The following EPHA8 variants were observed in gnomAD, a reference collection of about 807,000 sequenced individuals.
EPHA8 encodes ephrin type-A receptor 8.
Under a neutral mutation model 103.6 loss-of-function variants are expected in EPHA8, and 58 were observed. That is an observed-to-expected ratio of 0.56 (90% CI 0.45 to 0.70). The LOEUF (loss-of-function observed/expected upper bound fraction) is 0.70, where lower values mean the gene tolerates loss of function less well. Ranked by LOEUF, EPHA8 falls within the 30% of genes least tolerant of loss-of-function variation. The pLI is 0.00. For synonymous variants in EPHA8, 559 were observed against 572.5 expected, an observed-to-expected ratio of 0.98 and a Z score of 0.34; for missense variants, 1,304 against 1,395.2, an observed-to-expected ratio of 0.93 and a Z score of 1.04.
intron 3 of EPHA8, among the ~76,000 whole-genome samples, chr1:22,578,973 G>A (rs1640930149): frequency 6.8e-6 from 1 of 146,722 alleles, no homozygotes; most frequent in African/African-American, 2.5e-5. Context: ...GTATGTTCAT[G>A]TGTGTGAGTG....
Position 22,601,311 on chromosome 1 carries a change from C to T in EPHA8, c.2741C>T (p.Pro914Leu). The change falls in exon 16 of 17, where the codon CCT becomes CTT. Residue 914 changes from proline (P) to leucine (L), a missense_variant. Physicochemically the swap from Pro to Leu is moderately conservative, Grantham distance 98 (BLOSUM62 -3). Transcript: ENST00000166244. ...CCCCTGTGCCTCAGGTGCCCACCCC[C>T]TGCCTTCGTCCGGAGCTGCTTTGAC... ...ATATVSRCPP[P>L]AFVRSCFDLR... 1.2e-6 allele frequency: 2 copies of T among 1,600,408 alleles called. No homozygotes were observed. Among genetic ancestry groups the T allele is most frequent in the Non-Finnish European group, 1.7e-6 (2 of 1,175,968 alleles).
chr1:22,580,638 A>C (rs776686725), intron 3 of EPHA8, among the ~76,000 whole-genome samples: 5 of 152,210 alleles, frequency 3.3e-5, no homozygotes, highest in African/African-American at 1.2e-4. Context: ...CCTGTGTGTC[A>C]GCTTTGCACT....
intron 5 of EPHA8, among the ~76,000 whole-genome samples, chr1:22,590,973 C>T (rs1162883416): frequency 6.6e-6 from 1 of 151,840 alleles, no homozygotes; most frequent in Non-Finnish European, 1.5e-5. Flanking sequence ...CCCCAGGGAC[C>T]TCCCTTCAAA....
chr1:22,582,057 C>T (rs58500778), intron 3 of EPHA8, among the ~76,000 whole-genome samples: 9,466 of 152,222 alleles, frequency 0.062, 965 homozygotes, highest in African/African-American at 0.21. Flanking sequence ...TGGTGGATGG[C>T]CTGGGGCAAA....
At chr1:22,593,747 G>C (rs1292338901) in intron 7 of EPHA8, 61 bp downstream of exon 7, 7 of 1,465,212 alleles carry the variant, frequency 4.8e-6, no homozygotes, top group Non-Finnish European at 6.3e-6. Flanking sequence ...CTGGGGTCGG[G>C]GGGTGGCCGA....
intron 8 of EPHA8, 106 bp from the exon 9 acceptor site, chr1:22,596,000 A>G (rs563266076): frequency 2.0e-6 from 2 of 999,990 alleles, no homozygotes; most frequent in Non-Finnish European, 3.1e-6. Context: ...CTGACCTGTC[A>G]GGGGAAGGGG....
chr1:22,603,371 G>T lies in EPHA8; in HGVS notation c.*1630G>T, dbSNP rs965304603. ...CGGAAACATGGTCAGAACACGATCTGGGGGGGGGATCCTGTCTTCCTCCCC... is the reference window on the plus strand; with the variant it reads ...CGGAAACATGGTCAGAACACGATCTTGGGGGGGGATCCTGTCTTCCTCCCC... On this transcript the variant is annotated 3_prime_UTR_variant, in exon 17 of 17. Transcript: ENST00000166244. 2.4e-5 allele frequency: 3 copies of T among 123,608 alleles called. No individual in the cohort carries two copies. Among genetic ancestry groups the T allele is most frequent in the Non-Finnish European group, 5.6e-5 (3 of 53,868 alleles). 7.7% of individuals were successfully genotyped at this position (123,608 alleles called of 1,614,324 possible). A position where few individuals can be genotyped will look rare whatever the true frequency, so the allele number is the denominator to read the frequency against.
chr1:22,577,295 G>A (rs1217518536), intron 3 of EPHA8, among the ~76,000 whole-genome samples: 1 of 152,198 alleles, frequency 6.6e-6, no homozygotes, highest in Admixed American at 6.5e-5. Context: ...ACACTATGAC[G>A]TAGGAACTAC....
rs926822745 is a variant in EPHA8 at position 22,589,544 on chromosome 1, T to G, written c.1315+338T>G. On this transcript the variant is annotated intron_variant, in intron 5 of 16. Transcript: ENST00000166244. This position sits in a 1 kb window ranked among gnomAD's most constrained non-coding sequence, Gnocchi z 4.3. Reference sequence around the variant, plus strand: ...CTGCCTGAGGTCCTCTCAGGAGGCTTAAATGAGAGGAATGAAATTGCTTAG... The same window carrying G: ...CTGCCTGAGGTCCTCTCAGGAGGCTGAAATGAGAGGAATGAAATTGCTTAG... 1.8e-5 allele frequency: 24 copies of G among 1,354,540 alleles called. 1 individual carries two copies. The Admixed American group carries it at 7.8e-4, about 44-fold the overall frequency. The allele number at this position is 1,354,540 out of a possible 1,614,324, so 83.9% of individuals were successfully genotyped here. A position where few individuals can be genotyped will look rare whatever the true frequency, so the allele number is the denominator to read the frequency against.
Position 22,601,958 on chromosome 1 carries a change from C to T in EPHA8, c.*217C>T. The T allele has an allele frequency of 1.7e-6, 1 of 589,920 alleles. No individual in the cohort carries two copies. The highest frequency in any genetic ancestry group is 2.9e-6 in the Non-Finnish European group (1 of 339,252). The allele number at this position is 589,920 out of a possible 1,614,324, so 36.5% of individuals were successfully genotyped here. A position where few individuals can be genotyped will look rare whatever the true frequency, so the allele number is the denominator to read the frequency against. ...TGGCCACCCTGGTGAGGACACCTGT[C>T]CCCCAGGGCAGGCACCTTCTCTTTT... On this transcript the variant is annotated 3_prime_UTR_variant, in exon 17 of 17. Transcript: ENST00000166244.
chr1:22,600,927 C>A lies in EPHA8; in HGVS notation c.2568C>A (p.Arg856=). The A allele has an allele frequency of 6.2e-7, 1 of 1,610,976 alleles. No individual in the cohort carries two copies. The highest frequency in any genetic ancestry group is 1.1e-5 in the South Asian group (1 of 90,774). The part of the protein sequence containing the change: ...DVISSVEEGY[R]LPAPMGCPHA... ...TCAGCTCTGTGGAGGAGGGGTACCG[C>A]CTGCCCGCACCCATGGGCTGCCCCC... The change falls in exon 15 of 17, where the codon CGC becomes CGA. Residue 856 remains arginine, a synonymous_variant. Coordinates refer to ENST00000166244, the MANE Select transcript of EPHA8 (RefSeq NM_020526.5).
chr1:22,573,438 G>A (rs1640598693), intron 2 of EPHA8, among the ~76,000 whole-genome samples: 1 of 152,186 alleles, frequency 6.6e-6, no homozygotes, highest in Non-Finnish European at 1.5e-5. Flanking sequence ...GAGATTAGAT[G>A]GAGGGGCTTG....
Position 22,576,158 on chromosome 1 carries a change from T to C in EPHA8, c.160-59T>C. 1 of 1,539,874 alleles carries C rather than the reference T, an allele frequency of 6.5e-7. No homozygotes were observed. The highest frequency in any genetic ancestry group is 8.8e-7 in the Non-Finnish European group (1 of 1,140,332). ...TCCCCAGCACAGAACACAGGGTCAT[T>C]GGCAAAAGAGGGTGAGGTGCTGGCT... On this transcript the variant is annotated intron_variant, in intron 2 of 16. Transcript: ENST00000166244. The surrounding 1 kb of genome is among the most constrained non-coding windows in gnomAD (Gnocchi z 4.8).
rs571441608 is a variant in EPHA8 at position 22,590,513 on chromosome 1, C to T, written c.1315+1307C>T. ...AGCCCTGCGTGGCCACATCCATGGG[C>T]GCCTCTTCCCCCTTTCATTTCCTCC... On this transcript the variant is annotated intron_variant, in intron 5 of 16. Coordinates refer to ENST00000166244, the MANE Select transcript of EPHA8 (RefSeq NM_020526.5). Among the ~76,000 whole-genome samples the T allele has an allele frequency of 3.3e-5, 5 of 152,270 alleles. No homozygotes were observed. In the East Asian group the frequency reaches 7.7e-4, roughly 24 times the overall value.
rs544184591 is a variant in EPHA8, at chr1:22,569,427, G to A, written c.159+74G>A. 3.7e-5 allele frequency: 54 copies of A among 1,467,206 alleles called. No individual in the cohort carries two copies. In the South Asian group the frequency reaches 5.5e-4, roughly 15 times the overall value. The allele number at this position is 1,467,206 out of a possible 1,614,324, so 90.9% of individuals were successfully genotyped here. A position where few individuals can be genotyped will look rare whatever the true frequency, so the allele number is the denominator to read the frequency against. ...AGGCTGCCACTCACAGAGTCTGCAT[G>A]AGATAGATCAAAAGGAAGCAGAGGC... On this transcript the variant is annotated intron_variant, in intron 2 of 16. Transcript: ENST00000166244. The surrounding 1 kb of genome is among the most constrained non-coding windows in gnomAD (Gnocchi z 4.5).
intron 3 of EPHA8, among the ~76,000 whole-genome samples, chr1:22,577,921 G>GCA: frequency 3.0e-5 from 1 of 32,874 alleles, no homozygotes; most frequent in Non-Finnish European, 7.2e-5. Flanking sequence ...GTGCGTGAGT[G>GCA]TATGTGTGCG....
intron 2 of EPHA8, among the ~76,000 whole-genome samples, chr1:22,573,619 G>A (rs189440212): frequency 2.4e-4 from 37 of 152,226 alleles, no homozygotes; most frequent in Admixed American, 4.6e-4. Context: ...TGTTGCATGC[G>A]TGGAGGAACC....
intron 2 of EPHA8, among the ~76,000 whole-genome samples, chr1:22,573,146 C>T (rs1206388284): frequency 2.0e-5 from 3 of 152,126 alleles, no homozygotes; most frequent in Admixed American, 6.5e-5. Flanking sequence ...CTTCTTGGGT[C>T]GGGGAGACTC....
chr1:22,597,656 G>T lies in EPHA8; in HGVS notation c.1931-20G>T. The stretch of plus-strand genomic sequence containing the variant: ...GTCCCACTGCCCTCCCTCCACACCT[G>T]CCCCTCTCGGGGCCTGCAGGAGACT... On this transcript the variant is annotated intron_variant, in intron 10 of 16. Transcript: ENST00000166244. The surrounding 1 kb of genome is among the most constrained non-coding windows in gnomAD (Gnocchi z 4.6). 1 of 1,589,694 alleles carries T rather than the reference G, an allele frequency of 6.3e-7. No individual in the cohort carries two copies. The highest frequency in any genetic ancestry group is 1.3e-5 in the African/African-American group (1 of 74,540).
Sources: gnomAD v4.1 joint callset for allele counts (sites outside exome capture counted in the v4.1 genomes callset) on GRCh38, gnomAD v4.1.1 for gene constraint, Gnocchi (gnomAD v3.1) non-coding constraint, MANE v1.5 for transcripts, NCBI Gene and HGNC (gene_info 2026-07-23, HGNC 2026-07-21) for gene names.